Variants in DSCAML1 observed in about 807,000 individuals in gnomAD.
DSCAML1 encodes DS cell adhesion molecule like 1.
DSCAML1 carries 38 observed loss-of-function variants against 200.5 expected under a neutral mutation model. That is an observed-to-expected ratio of 0.19 (90% CI 0.15 to 0.25). The LOEUF (loss-of-function observed/expected upper bound fraction) is 0.25. Among genes scored for constraint, DSCAML1 ranks in the 10% least tolerant of loss-of-function variants. The pLI is 1.00. For missense variants in DSCAML1, 2,223 were observed against 2,858.8 expected, an observed-to-expected ratio of 0.78 and a Z score of 5.07; for synonymous variants, 1,215 against 1,165.0, an observed-to-expected ratio of 1.04 and a Z score of -0.87.
chr11:117,482,666 A>G (rs1453204936), intron 11 of DSCAML1, among the ~76,000 whole-genome samples: 3 of 152,150 alleles, frequency 2.0e-5, no homozygotes, highest in African/African-American at 7.2e-5. Flanking sequence ...TGATGGGAGC[A>G]TATCCGAGGA....
At chr11:117,513,747 A>C (rs1375364774) in intron 8 of DSCAML1, among the ~76,000 whole-genome samples, 3 of 151,872 alleles carry the variant, frequency 2.0e-5, no homozygotes, top group African/African-American at 4.8e-5. Flanking sequence ...TCTCAAAAAA[A>C]AAAAAAAAAA....
intron 11 of DSCAML1, among the ~76,000 whole-genome samples, chr11:117,499,650 A>C (rs1162756191): frequency 2.0e-5 from 3 of 152,210 alleles, no homozygotes; most frequent in African/African-American, 7.2e-5. Context: ...CAAGCAAGGT[A>C]TGGGAACGGC....
intron 8 of DSCAML1, among the ~76,000 whole-genome samples, chr11:117,512,643 TACACACAC>T (rs71037481): frequency 0.083 from 10,330 of 124,974 alleles, 432 homozygotes; most frequent in East Asian, 0.13. Context: ...CAAGCGTGTG[TACACACAC>T]ACACACACAC....
chr11:117,442,136 CAT>C (rs1396078608), intron 21 of DSCAML1, among the ~76,000 whole-genome samples: 4 of 151,474 alleles, frequency 2.6e-5, no homozygotes, highest in Non-Finnish European at 5.9e-5. Context: ...CACGTGTATG[CAT>C]GTGTGTATGC....
At chr11:117,557,382 T>A (rs1805356604) in intron 3 of DSCAML1, among the ~76,000 whole-genome samples, 1 of 152,188 alleles carries the variant, frequency 6.6e-6, no homozygotes. Flanking sequence ...CCTTCTTCTG[T>A]GCCTTTGAAG....
intron 3 of DSCAML1, among the ~76,000 whole-genome samples, chr11:117,562,425 C>G (rs2050680150): frequency 6.6e-6 from 1 of 152,242 alleles, no homozygotes; most frequent in South Asian, 2.1e-4. Flanking sequence ...TCCAGATCCC[C>G]TTGGAATCAT....
chr11:117,582,899 A>T (rs947473527), intron 3 of DSCAML1, among the ~76,000 whole-genome samples: 1 of 152,232 alleles, frequency 6.6e-6, no homozygotes, highest in African/African-American at 2.4e-5. Flanking sequence ...AGAGGGAAAG[A>T]GGACAAAAGA....
In DSCAML1 at chr11:117,518,327, C is replaced by CGA; in HGVS notation, c.1510+137_1510+138dup. The CGA allele has an allele frequency of 8.5e-7, 1 of 1,180,454 alleles. No individual in the cohort carries two copies. The highest frequency in any genetic ancestry group is 1.2e-6 in the Non-Finnish European group (1 of 819,316). 73.1% of individuals were successfully genotyped at this position (1,180,454 alleles called of 1,614,324 possible). On this transcript the variant is annotated intron_variant, in intron 7 of 32. Transcript: ENST00000651296. This position sits in a 1 kb window ranked among gnomAD's most constrained non-coding sequence, Gnocchi z 6.3. The stretch of plus-strand genomic sequence containing the variant: ...GCTTGAGGAGGGCAGGAAAAGGGGA[C>CGA]GAGAGAGGGGAGAGAGACCTCTACT...
intron 3 of DSCAML1, among the ~76,000 whole-genome samples, chr11:117,753,182 G>A (rs776212161): frequency 5.1e-4 from 78 of 152,212 alleles, no homozygotes; most frequent in Non-Finnish European, 8.8e-4. Context: ...TTGTTGTTGG[G>A]ATTAAATGAT....
chr11:117,592,255 A>C (rs1235856592), intron 3 of DSCAML1, among the ~76,000 whole-genome samples: 3 of 152,130 alleles, frequency 2.0e-5, no homozygotes, highest in African/African-American at 4.8e-5. Flanking sequence ...CGTAACTCAC[A>C]GTGCACCTCC....
At chr11:117,703,380 C>T (rs2053701264) in intron 3 of DSCAML1, among the ~76,000 whole-genome samples, 1 of 152,150 alleles carries the variant, frequency 6.6e-6, no homozygotes, top group Non-Finnish European at 1.5e-5. Context: ...CTGGTCTCTA[C>T]CAGGGCCCCT....
At chr11:117,669,995 T>C (rs991837514) in intron 3 of DSCAML1, among the ~76,000 whole-genome samples, 1 of 152,360 alleles carries the variant, frequency 6.6e-6, no homozygotes, top group South Asian at 2.1e-4. Flanking sequence ...CTAGATCCTT[T>C]TTAAAGGAAG....
intron 3 of DSCAML1, among the ~76,000 whole-genome samples, chr11:117,533,809 G>A (rs1452593518): frequency 2.0e-5 from 3 of 152,168 alleles, no homozygotes; most frequent in African/African-American, 7.2e-5. Flanking sequence ...TTGAGGGTTG[G>A]GGGGCGGGGT....
chr11:117,632,988 C>T (rs563280516), intron 3 of DSCAML1, among the ~76,000 whole-genome samples: 10 of 152,356 alleles, frequency 6.6e-5, no homozygotes, highest in South Asian at 2.1e-4. Flanking sequence ...ACCATTAGGT[C>T]ATACAGCTGC....
At chr11:117,483,882 G>A (rs2048981231) in intron 11 of DSCAML1, among the ~76,000 whole-genome samples, 1 of 152,050 alleles carries the variant, frequency 6.6e-6, no homozygotes, top group South Asian at 2.1e-4. Flanking sequence ...TGCAAGAATC[G>A]GAAACCCCCC....
At chr11:117,722,338 A>G (rs1490356940) in intron 3 of DSCAML1, among the ~76,000 whole-genome samples, 2 of 151,432 alleles carry the variant, frequency 1.3e-5, no homozygotes, top group African/African-American at 4.8e-5. Flanking sequence ...AGCTCACAGA[A>G]GTAGAGAGTG....
chr11:117,475,689 C>T (rs551104047), intron 14 of DSCAML1, among the ~76,000 whole-genome samples: 1 of 152,326 alleles, frequency 6.6e-6, no homozygotes, highest in East Asian at 1.9e-4. Flanking sequence ...AGTTCCTCTG[C>T]ACTCTGTGGC....
At chr11:117,493,958 A>T (rs1364364373) in intron 11 of DSCAML1, among the ~76,000 whole-genome samples, 1 of 152,208 alleles carries the variant, frequency 6.6e-6, no homozygotes, top group Non-Finnish European at 1.5e-5. Flanking sequence ...AATGTTGGAA[A>T]AATGATAGTA....
chr11:117,589,652 C>A (rs1325686425), intron 3 of DSCAML1, among the ~76,000 whole-genome samples: 4 of 152,180 alleles, frequency 2.6e-5, no homozygotes, highest in Non-Finnish European at 5.9e-5. Context: ...CTAACCAGAG[C>A]GACTGAATCC....
Sources: gnomAD v4.1 joint callset for allele counts (sites outside exome capture counted in the v4.1 genomes callset) on GRCh38, gnomAD v4.1.1 for gene constraint, Gnocchi (gnomAD v3.1) non-coding constraint, MANE v1.5 for transcripts, NCBI Gene and HGNC (gene_info 2026-07-23, HGNC 2026-07-21) for gene names.